The following MAPK8IP3 variants were observed in gnomAD, a reference collection of about 807,000 sequenced individuals.
MAPK8IP3 encodes C-Jun-amino-terminal kinase-interacting protein 3.
A neutral mutation model predicts 157.8 loss-of-function variants in MAPK8IP3; 49 were observed. That is an observed-to-expected ratio of 0.31 (90% CI 0.25 to 0.39). The LOEUF is 0.39. Ranked by LOEUF, MAPK8IP3 falls within the 10% of genes least tolerant of loss-of-function variation. The pLI is 1.00. For synonymous variants in MAPK8IP3, 897 were observed against 777.7 expected, an observed-to-expected ratio of 1.15 and a Z score of -2.55; for missense variants, 1,478 against 1,889.4, an observed-to-expected ratio of 0.78 and a Z score of 4.04.
intron 26 of MAPK8IP3, 109 bp downstream of exon 26, chr16:1,767,406 C>A: frequency 2.0e-6 from 3 of 1,516,098 alleles, no homozygotes; most frequent in Admixed American, 1.8e-5. Flanking sequence ...TCCCATCTCC[C>A]CTGTACCACC....
rs1204910620 is a variant in MAPK8IP3, at chr16:1,768,481, C to T, written c.3747C>T (p.Asn1249=). 1.1e-5 allele frequency: 18 copies of T among 1,565,928 alleles called. No homozygotes were observed. The highest frequency in any genetic ancestry group is 1.1e-4 in the South Asian group (10 of 87,518). The change falls in exon 31 of 32, where the codon AAC becomes AAT. Residue 1249 remains asparagine (N), a synonymous_variant. Transcript: ENST00000610761. ...AVKFFVSVPG[N]VLATLNGSVL... ...GAATCGCTTCTGCCATCCCAGGGAA[C>T]GTGCTGGCCACCCTGAATGGGAGTG...
rs2076432 is a variant in MAPK8IP3, at chr16:1,769,019, A to T, written c.*195A>T. 533,395 of 638,698 alleles carry T rather than the reference A, an allele frequency of 0.84. 224,057 individuals carry two copies. Among genetic ancestry groups the T allele is most frequent in the Admixed American group, 0.88 (29,897 of 34,006 alleles). 39.6% of individuals were successfully genotyped at this position (638,698 alleles called of 1,614,324 possible). On this transcript the variant is annotated 3_prime_UTR_variant, in exon 32 of 32. Transcript: ENST00000610761. ...TCAGCTGGGAGGAGGAGGGGAGGGG[A>T]ACTTCCACCCGAGGGGAAGATGCTC...
chr16:1,748,185 G>A (rs2141866382), intron 6 of MAPK8IP3, 59 bp from the exon 7 acceptor site: 1 of 1,324,666 alleles, frequency 7.5e-7, no homozygotes, highest in Non-Finnish European at 1.1e-6. Flanking sequence ...GCAGCCGTGA[G>A]CAGGGCAGAG....
intron 4 of MAPK8IP3, among the ~76,000 whole-genome samples, chr16:1,736,129 ACCAT>A (rs374973815): frequency 2.8e-4 from 27 of 95,308 alleles, no homozygotes; most frequent in African/African-American, 8.1e-4. Flanking sequence ...CGTGTGTGTG[ACCAT>A]CCATGTGAGC....
intron 4 of MAPK8IP3, among the ~76,000 whole-genome samples, chr16:1,737,154 GTCCGTGTGAGCA>G (rs1457028990): frequency 1.1e-5 from 1 of 91,988 alleles, no homozygotes; most frequent in Non-Finnish European, 2.2e-5. Context: ...ATCCGTGACC[GTCCGTGTGAGCA>G]TCCGTGTGAG....
chr16:1,717,654 CTCTGGGACCAAGATACTACCGTGCTGTAT>C (rs2038242511), intron 1 of MAPK8IP3, among the ~76,000 whole-genome samples: 2 of 152,224 alleles, frequency 1.3e-5, no homozygotes, highest in South Asian at 4.1e-4. Flanking sequence ...TTCAGTAGGT[CTCTGGGACCAAGATACTACCGTGCTGTAT>C]TCTGGGTAGT....
intron 4 of MAPK8IP3, among the ~76,000 whole-genome samples, chr16:1,737,098 C>G (rs1258621587): frequency 1.5e-5 from 1 of 67,928 alleles, no homozygotes; most frequent in African/African-American, 5.8e-5. Context: ...GTGAGTGTGA[C>G]CATCCATGTG....
intron 3 of MAPK8IP3, 137 bp downstream of exon 3, chr16:1,729,345 C>CA: frequency 7.9e-7 from 1 of 1,264,468 alleles, no homozygotes; most frequent in Non-Finnish European, 1.1e-6. Flanking sequence ...TGAAGGCTGT[C>CA]AGCCCCAGGC....
intron 1 of MAPK8IP3, among the ~76,000 whole-genome samples, chr16:1,716,645 G>A (rs902803294): frequency 1.3e-5 from 2 of 152,046 alleles, no homozygotes; most frequent in Non-Finnish European, 2.9e-5. Context: ...TGGGCATGGT[G>A]GCTCACGGCT....
chr16:1,761,659 G>A (rs1242345874), intron 13 of MAPK8IP3, among the ~76,000 whole-genome samples: 2 of 122,392 alleles, frequency 1.6e-5, no homozygotes, highest in Admixed American at 8.4e-5. Flanking sequence ...AGGCGGGGCG[G>A]CCACCATTCA....
In MAPK8IP3 at chr16:1,706,782, ACCCCCAGACCCCG is replaced by A; in HGVS notation, c.318+130_318+142del. The A allele has an allele frequency of 1.0e-6, 1 of 1,000,402 alleles. No individual in the cohort carries two copies. Among genetic ancestry groups the A allele is most frequent in the Non-Finnish European group, 1.3e-6 (1 of 747,206 alleles). The allele number at this position is 1,000,402 out of a possible 1,614,324, so 62.0% of individuals were successfully genotyped here. ...GCACCCCGGACCGCGGGACCCCTGG[ACCCCCAGACCCCG>A]CCCCGAGACCCGCCTGGACCCCATA... On this transcript the variant is annotated intron_variant, in intron 1 of 31. Coordinates refer to ENST00000610761, the MANE Select transcript of MAPK8IP3 (RefSeq NM_001318852.2). The surrounding 1 kb of genome is among the most constrained non-coding windows in gnomAD (Gnocchi z 5.1).
At position 1,750,648 on chromosome 16, in the gene MAPK8IP3, A is replaced by AT. The variant is rs11320517; in HGVS notation, c.1216+1942dup. On this transcript the variant is annotated intron_variant, in intron 8 of 31. Transcript: ENST00000610761. ...GGAACCTCCCCACCATGCTATAATGATTTTTTTTTTTTTTGAGACGGAGTC... is the reference window on the plus strand; with the variant it reads ...GGAACCTCCCCACCATGCTATAATGATTTTTTTTTTTTTTTGAGACGGAGTC... 7.0e-3 allele frequency among the ~76,000 whole-genome samples: 1,017 copies of AT among 145,558 alleles called. 8 individuals are homozygous for AT. Among genetic ancestry groups the AT allele is most frequent in the African/African-American group, 0.022 (864 of 39,786 alleles).
At position 1,768,075 on chromosome 16, in the gene MAPK8IP3, T is replaced by C. The variant is rs2042381351; in HGVS notation, c.3530T>C (p.Val1177Ala). The change falls in exon 29 of 32, where the codon GTC becomes GCC. Residue 1177 changes from valine to alanine, a missense_variant. This residue lies in a region of MAPK8IP3 where 83 missense variants were observed against 85.3 expected (regional missense o/e 0.97). Coordinates refer to ENST00000610761, the MANE Select transcript of MAPK8IP3 (RefSeq NM_001318852.2). Reference protein sequence around the residue: ...VISIPLTETVVLHRGQLLGLR... With the variant: ...VISIPLTETVALHRGQLLGLR... ...GCTCCTCCCATGTCCCCAGCTGTGG[T>C]CCTGCACCGAGGCCAGCTCCTGGGG... The C allele has an allele frequency of 6.2e-7, 1 of 1,612,392 alleles. No individual in the cohort carries two copies. The highest frequency in any genetic ancestry group is 8.5e-7 in the Non-Finnish European group (1 of 1,179,980).
chr16:1,727,144 G>T (rs1205875281), intron 2 of MAPK8IP3, among the ~76,000 whole-genome samples: 1 of 151,634 alleles, frequency 6.6e-6, no homozygotes, highest in East Asian at 1.9e-4. Context: ...CGGCACCTGA[G>T]TTGTGTGCTG....
chr16:1,730,494 C>G (rs1289169316), intron 4 of MAPK8IP3, among the ~76,000 whole-genome samples: 1 of 151,870 alleles, frequency 6.6e-6, no homozygotes, highest in Non-Finnish European at 1.5e-5. Context: ...CATTCCAGCA[C>G]TTTGGGAGGC....
chr16:1,734,123 G>T (rs1441327441), intron 4 of MAPK8IP3, among the ~76,000 whole-genome samples: 2 of 152,248 alleles, frequency 1.3e-5, no homozygotes, highest in African/African-American at 2.4e-5. Context: ...CCCTGCAGTG[G>T]GGTCTGCGCA....
rs1418081059 is a variant in MAPK8IP3, at chr16:1,766,212, T to C, written c.2630-8T>C. On this transcript the variant is annotated splice_region_variant and splice_polypyrimidine_tract_variant and intron_variant, in intron 21 of 31. Coordinates refer to ENST00000610761, the MANE Select transcript of MAPK8IP3 (RefSeq NM_001318852.2). ...CTGCCCAGCCCAAGCTCACCTCTCC[T>C]AACACAGGGGAGGTGGCCACCATCG... The C allele has an allele frequency of 6.2e-7, 1 of 1,608,338 alleles. No individual in the cohort carries two copies. Among genetic ancestry groups the C allele is most frequent in the Admixed American group, 1.7e-5 (1 of 59,960 alleles).
In MAPK8IP3 at chr16:1,742,708, A is replaced by G. The variant is rs2040751662; in HGVS notation, c.603-624A>G. Among the ~76,000 whole-genome samples, 1 of 152,178 alleles carries G rather than the reference A, an allele frequency of 6.6e-6. No homozygotes were observed. Among genetic ancestry groups the G allele is most frequent in the African/African-American group, 2.4e-5 (1 of 41,450 alleles). ...CACAGGGAGGCAGGGCTGGGCACAC[A>G]TAAGACAATGGTCCTAAAAGGCATT... On this transcript the variant is annotated intron_variant, in intron 4 of 31. Coordinates refer to ENST00000610761, the MANE Select transcript of MAPK8IP3 (RefSeq NM_001318852.2). This position sits in a 1 kb window ranked among gnomAD's most constrained non-coding sequence, Gnocchi z 5.0.
At chr16:1,733,430 C>G (rs1048888124) in intron 4 of MAPK8IP3, among the ~76,000 whole-genome samples, 1 of 152,226 alleles carries the variant, frequency 6.6e-6, no homozygotes, top group Admixed American at 6.5e-5. Context: ...AGAGGCTGCC[C>G]CAGCTCCAGA....
Sources: allele counts gnomAD v4.1 joint callset (sites outside exome capture counted in the v4.1 genomes callset), GRCh38; gene constraint gnomAD v4.1.1; regional missense constraint gnomAD v4.1.1; non-coding constraint Gnocchi (gnomAD v3.1); transcripts MANE v1.5; gene names NCBI Gene and HGNC (gene_info 2026-07-23, HGNC 2026-07-21).